The following DAPK3 variants were observed in gnomAD, a reference collection of about 807,000 sequenced individuals.
The protein encoded by DAPK3 is death associated protein kinase 3.
A neutral mutation model predicts 30.6 loss-of-function variants in DAPK3; 24 were observed. That is an observed-to-expected ratio of 0.78 (90% CI 0.57 to 1.10). The LOEUF (loss-of-function observed/expected upper bound fraction) is 1.10, where lower values mean the gene tolerates loss of function less well. DAPK3 is among the 50% of genes least tolerant of loss of function. DAPK3 has a pLI of 0.00. For synonymous variants in DAPK3, 341 were observed against 284.0 expected (o/e 1.20, Z -2.02); for missense variants, 629 against 657.3 (o/e 0.96, Z 0.47).
chr19:3,963,925 G>C lies in DAPK3; in HGVS notation c.554-6C>G, dbSNP rs1190482603. The C allele has an allele frequency of 6.3e-7, 1 of 1,590,686 alleles. No homozygotes were observed. The highest frequency in any genetic ancestry group is 1.7e-5 in the Admixed American group (1 of 59,348). On this transcript the variant is annotated splice_polypyrimidine_tract_variant and splice_region_variant and intron_variant, in intron 4 of 8. Coordinates refer to ENST00000545797, the MANE Select transcript of DAPK3 (RefSeq NM_001348.3). ...ATAGTTCACAATCTCTGGGGCTGCAGAACAGGGAGATGTGGGTCAGGCACT... is the reference window on the plus strand; with the variant it reads ...ATAGTTCACAATCTCTGGGGCTGCACAACAGGGAGATGTGGGTCAGGCACT...
intron 1 of DAPK3, among the ~76,000 whole-genome samples, chr19:3,970,302 C>G (rs1353898340): frequency 1.3e-5 from 2 of 152,150 alleles, no homozygotes; most frequent in East Asian, 3.9e-4. Context: ...CTCGCTCTGT[C>G]GCCCTGGCTG....
intron 2 of DAPK3, 152 bp downstream of exon 2, chr19:3,969,522 C>T (rs776677345): frequency 1.9e-6 from 1 of 524,832 alleles, no homozygotes; most frequent in Non-Finnish European, 3.3e-6. Flanking sequence ...TGTCTGACTC[C>T]ACGGCCCAAA....
intron 6 of DAPK3, chr19:3,961,449 C>G (rs200224173): frequency 5.9e-4 from 341 of 577,566 alleles, no homozygotes; most frequent in Non-Finnish European, 1.1e-3. Context: ...CGAAAGCCCC[C>G]AGTGCTCAGT....
At position 3,964,603 on chromosome 19, in the gene DAPK3, CGGCCCCACAG is replaced by C. The variant is rs761411583; in HGVS notation, c.423+18_423+27del. 5.7e-6 allele frequency: 9 copies of C among 1,582,328 alleles called. No homozygotes were observed. Among genetic ancestry groups the C allele is most frequent in the African/African-American group, 1.4e-5 (1 of 73,560 alleles). ...ATCCCCACCCCCACACTGGCCAGGC[CGGCCCCACAG>C]GGCCCTACAGGGCTCACCTTCAGGT... On this transcript the variant is annotated intron_variant, in intron 3 of 8. Transcript: ENST00000545797.
At chr19:3,960,643 G>T (rs932483976) in intron 7 of DAPK3, among the ~76,000 whole-genome samples, 1 of 152,070 alleles carries the variant, frequency 6.6e-6, no homozygotes. Flanking sequence ...GCCAGGCGTG[G>T]TGGCGGGCGT....
intron 2 of DAPK3, 137 bp from the exon 3 acceptor site, chr19:3,965,128 C>T (rs1246761632): frequency 3.3e-6 from 2 of 613,342 alleles, no homozygotes; most frequent in East Asian, 5.5e-5. Context: ...GAGCTGGCCA[C>T]TGCGGGGGTG....
chr19:3,959,434 G>A lies in DAPK3; in HGVS notation c.1032C>T (p.Arg344=). ...AAEEGLRELQ[R]SRRLCHEDVE... is the part of the protein sequence containing the mutation. ...CGTCCTCGTGGCAGAGCCGCCGGCT[G>A]CGCTGCAGCTCGCGCAGGCCCTCCT... Residue 344 remains arginine, a synonymous_variant, in exon 9 of 9, where the codon CGC becomes CGT. Transcript: ENST00000545797. 1 of 1,551,560 alleles carries A rather than the reference G, an allele frequency of 6.4e-7. No homozygotes were observed. The highest frequency in any genetic ancestry group is 8.7e-7 in the Non-Finnish European group (1 of 1,155,318).
chr19:3,966,844 C>A (rs2039582097), intron 2 of DAPK3, among the ~76,000 whole-genome samples: 2 of 152,330 alleles, frequency 1.3e-5, no homozygotes, highest in South Asian at 4.1e-4. Flanking sequence ...AGACAGCCCC[C>A]GGTCTCACTG....
chr19:3,968,232 C>T lies in DAPK3; in HGVS notation c.62+1442G>A, dbSNP rs572470196. ...GTTCCCAGCGGGGTGCGGTGGCTCA[C>T]GCCTGTGATCCCAGCACTTTGGGAG... On this transcript the variant is annotated intron_variant, in intron 2 of 8. Coordinates refer to ENST00000545797, the MANE Select transcript of DAPK3 (RefSeq NM_001348.3). Among the ~76,000 whole-genome samples, 34 of 152,314 alleles carry T rather than the reference C, an allele frequency of 2.2e-4. No individual in the cohort carries two copies. The South Asian group carries it at 6.8e-3, about 31-fold the overall frequency.
Position 3,960,223 on chromosome 19 carries a change from A to AC in DAPK3, c.783-120dup, listed in dbSNP as rs1431094137. The AC allele has an allele frequency of 1.1e-5, 7 of 657,260 alleles. 1 individual carries two copies. Among genetic ancestry groups the AC allele is most frequent in the Middle Eastern group, 2.6e-4 (1 of 3,776 alleles). 40.7% of individuals were successfully genotyped at this position (657,260 alleles called of 1,614,324 possible). On this transcript the variant is annotated intron_variant, in intron 7 of 8. Transcript: ENST00000545797. ...TCGCCCCCCAGCCTCTGCTCAGCCA[A>AC]CCACAGAAGCTGAACAAGGGTACTG...
Position 3,959,077 on chromosome 19 carries a change from G to A in DAPK3, c.*24C>T, listed in dbSNP as rs1599174918. 6.9e-7 allele frequency: 1 copy of A among 1,445,744 alleles called. No individual in the cohort carries two copies. Among genetic ancestry groups the A allele is most frequent in the Non-Finnish European group, 9.1e-7 (1 of 1,094,102 alleles). 89.6% of individuals were successfully genotyped at this position (1,445,744 alleles called of 1,614,324 possible). A position where few individuals can be genotyped will look rare whatever the true frequency, so the allele number is the denominator to read the frequency against. ...CCGCAGGCCGAGCTCCGGCTGTCCT[G>A]GGGCCTGGCCCACCCCACTGCGCCT... On this transcript the variant is annotated 3_prime_UTR_variant, in exon 9 of 9. Coordinates refer to ENST00000545797, the MANE Select transcript of DAPK3 (RefSeq NM_001348.3).
At position 3,964,234 on chromosome 19, in the gene DAPK3, A is replaced by C; in HGVS notation, c.553+10T>G. ...CCCAGGCCGGGGCTGCCCACTGGGC[A>C]GGGCCTCACCCACAAACTCCGGGGT... On this transcript the variant is annotated intron_variant, in intron 4 of 8. Transcript: ENST00000545797. The C allele has an allele frequency of 6.2e-7, 1 of 1,604,024 alleles. No homozygotes were observed. The highest frequency in any genetic ancestry group is 8.5e-7 in the Non-Finnish European group (1 of 1,173,136).
At chr19:3,963,001 C>CT (rs780354031) in intron 6 of DAPK3, among the ~76,000 whole-genome samples, 26 of 151,838 alleles carry the variant, frequency 1.7e-4, no homozygotes, top group Non-Finnish European at 3.1e-4. Flanking sequence ...ACTCAGGAGA[C>CT]TGAGGCAGGA....
intron 2 of DAPK3, among the ~76,000 whole-genome samples, chr19:3,967,607 T>G (rs1370664769): frequency 1.3e-5 from 2 of 152,054 alleles, no homozygotes; most frequent in Non-Finnish European, 1.5e-5. Flanking sequence ...ATACAAAAAT[T>G]AGCTGAGCAC....
intron 8 of DAPK3, 96 bp from the exon 9 acceptor site, chr19:3,959,733 C>T (rs2039483086): frequency 5.2e-6 from 7 of 1,354,922 alleles, no homozygotes; most frequent in African/African-American, 2.9e-5. Context: ...GGGGCTCATC[C>T]GGCAGCAGAG....
chr19:3,961,368 A>T, intron 6 of DAPK3: 1 of 709,934 alleles, frequency 1.4e-6, no homozygotes, highest in East Asian at 2.8e-5. Context: ...CCACCCCGCC[A>T]CTGACAGCAG....
chr19:3,968,880 G>T (rs2039606439), intron 2 of DAPK3, among the ~76,000 whole-genome samples: 1 of 152,224 alleles, frequency 6.6e-6, no homozygotes, highest in African/African-American at 2.4e-5. Flanking sequence ...CTCTACAAAA[G>T]GAGGCAGGGC....
Position 3,958,991 on chromosome 19 carries a change from CG to C in DAPK3, c.*109del. 1.4e-6 allele frequency: 1 copy of C among 702,606 alleles called. No homozygotes were observed. The highest frequency in any genetic ancestry group is 2.3e-6 in the Non-Finnish European group (1 of 439,184). The allele number at this position is 702,606 out of a possible 1,614,324, so 43.5% of individuals were successfully genotyped here. A position where few individuals can be genotyped will look rare whatever the true frequency, so the allele number is the denominator to read the frequency against. On this transcript the variant is annotated 3_prime_UTR_variant, in exon 9 of 9. Coordinates refer to ENST00000545797, the MANE Select transcript of DAPK3 (RefSeq NM_001348.3). Reference sequence around the variant, plus strand: ...TCCCACTCCGCCTCCAGCCTGGTGGCGCTGGGCAAGGACAGGCACCCGGGCG... The same window carrying C: ...TCCCACTCCGCCTCCAGCCTGGTGGCCTGGGCAAGGACAGGCACCCGGGCG...
chr19:3,959,155 G>GA lies in DAPK3; in HGVS notation c.1310dup (p.Val438ArgfsTer139), dbSNP rs2039473324. On this transcript the variant is annotated frameshift_variant, in exon 9 of 9. Coordinates refer to ENST00000545797, the MANE Select transcript of DAPK3 (RefSeq NM_001348.3). LOFTEE classifies it high-confidence loss of function. Reference sequence around the variant, plus strand: ...GCTTCTCCTGCTCCAGGGCGCGCACGAGGTCCTGCACGAAGCGCATCTCGG... The same window carrying GA: ...GCTTCTCCTGCTCCAGGGCGCGCACGAAGGTCCTGCACGAAGCGCATCTCGG... 3.1e-6 allele frequency: 5 copies of GA among 1,588,786 alleles called. No individual in the cohort carries two copies. Among genetic ancestry groups the GA allele is most frequent in the Non-Finnish European group, 3.4e-6 (4 of 1,172,182 alleles).
Sources: gnomAD v4.1 joint callset for allele counts (sites outside exome capture counted in the v4.1 genomes callset) on GRCh38, gnomAD v4.1.1 for gene constraint, MANE v1.5 for transcripts, NCBI Gene and HGNC (gene_info 2026-07-23, HGNC 2026-07-21) for gene names.